Variants in JARID2 observed in about 807,000 individuals in gnomAD.
The protein encoded by JARID2 is jumonji and AT-rich interaction domain containing 2.
Under a neutral mutation model 125.6 loss-of-function variants are expected in JARID2, and 21 were observed. The observed-to-expected ratio is 0.17, with a 90% confidence interval of 0.12 to 0.24. The LOEUF is 0.24. Ranked by LOEUF, JARID2 falls within the 10% of genes least tolerant of loss-of-function variation. The probability of loss-of-function intolerance (pLI) is 1.00; values close to 1 mark genes in which losing one functional copy is unlikely to be tolerated. For missense variants in JARID2, 1,303 were observed against 1,639.6 expected, an observed-to-expected ratio of 0.79 and a Z score of 3.55; for synonymous variants, 736 against 661.6, an observed-to-expected ratio of 1.11 and a Z score of -1.73.
At chr6:15,333,072 A>G (rs1762770561) in intron 1 of JARID2, among the ~76,000 whole-genome samples, 1 of 150,314 alleles carries the variant, frequency 6.7e-6, no homozygotes, top group East Asian at 2.0e-4. Context: ...GCTTGGGACT[A>G]CAGGCGCCCA....
intron 2 of JARID2, among the ~76,000 whole-genome samples, chr6:15,406,799 G>A (rs1183677970): frequency 6.6e-6 from 1 of 152,180 alleles, no homozygotes; most frequent in African/African-American, 2.4e-5. Context: ...GGGTGAGAGG[G>A]TGGTTGGGGA....
At chr6:15,388,072 G>A (rs569099036) in intron 2 of JARID2, among the ~76,000 whole-genome samples, 3 of 152,124 alleles carry the variant, frequency 2.0e-5, no homozygotes, top group Admixed American at 6.6e-5. Context: ...GAGTGATATT[G>A]TTCCCTGCTA....
chr6:15,380,561 C>G (rs1764541483), intron 2 of JARID2, among the ~76,000 whole-genome samples: 1 of 152,124 alleles, frequency 6.6e-6, no homozygotes, highest in African/African-American at 2.4e-5. Flanking sequence ...TGTTGTCGTT[C>G]TGGCTGGCTG....
intron 2 of JARID2, among the ~76,000 whole-genome samples, chr6:15,396,606 C>CAT (rs1307229938): frequency 6.6e-6 from 1 of 152,156 alleles, no homozygotes; most frequent in Middle Eastern, 3.2e-3. Flanking sequence ...TTTGCTTATA[C>CAT]ATAAATACTG....
At chr6:15,345,153 G>C (rs1763202895) in intron 1 of JARID2, among the ~76,000 whole-genome samples, 1 of 152,146 alleles carries the variant, frequency 6.6e-6, no homozygotes, top group African/African-American at 2.4e-5. Flanking sequence ...CTAAGCTTTT[G>C]AGACTGATTG....
rs539520836 is a variant in JARID2 at position 15,462,048 on chromosome 6, C to G, written c.494-6494C>G. 3.9e-5 allele frequency among the ~76,000 whole-genome samples: 6 copies of G among 152,278 alleles called. No individual in the cohort carries two copies. The South Asian group carries it at 1.2e-3, about 32-fold the overall frequency. ...TCTGCTACACAAATCCCTCTTCATA[C>G]CAGAAAGGACATTAAGTGAACGTTT... On this transcript the variant is annotated intron_variant, in intron 4 of 17. Coordinates refer to ENST00000341776, the MANE Select transcript of JARID2 (RefSeq NM_004973.4).
chr6:15,258,871 A>T (rs945237058), intron 1 of JARID2, among the ~76,000 whole-genome samples: 1 of 152,238 alleles, frequency 6.6e-6, no homozygotes, highest in Non-Finnish European at 1.5e-5. Context: ...TAATTCTCCA[A>T]GTGCAAGATT....
chr6:15,389,016 G>A (rs1429766600), intron 2 of JARID2, among the ~76,000 whole-genome samples: 4 of 152,066 alleles, frequency 2.6e-5, no homozygotes, highest in Admixed American at 1.3e-4. Flanking sequence ...GGCCACGTGT[G>A]GAGGCTCCCA....
chr6:15,514,847 A>G (rs1771467985), intron 16 of JARID2, among the ~76,000 whole-genome samples: 1 of 151,980 alleles, frequency 6.6e-6, no homozygotes, highest in South Asian at 2.1e-4. Context: ...ATGGGGGACA[A>G]ATGCAGTCCG....
intron 1 of JARID2, among the ~76,000 whole-genome samples, chr6:15,273,216 A>G (rs554769670): frequency 5.9e-5 from 9 of 152,186 alleles, no homozygotes; most frequent in Admixed American, 2.0e-4. Flanking sequence ...AAAATACCTG[A>G]GTTTTATTTG....
chr6:15,485,892 G>T (rs184314328), intron 5 of JARID2, among the ~76,000 whole-genome samples: 1 of 152,312 alleles, frequency 6.6e-6, no homozygotes, highest in Non-Finnish European at 1.5e-5. Flanking sequence ...GAGGAGGAAA[G>T]ATTTGATTTC....
chr6:15,438,833 A>T (rs1581565835), intron 3 of JARID2, among the ~76,000 whole-genome samples: 1 of 152,284 alleles, frequency 6.6e-6, no homozygotes, highest in South Asian at 2.1e-4. Flanking sequence ...GTAAGAGACC[A>T]CCAGCCTGGG....
chr6:15,276,260 T>C (rs1261993955), intron 1 of JARID2, among the ~76,000 whole-genome samples: 1 of 152,206 alleles, frequency 6.6e-6, no homozygotes, highest in Non-Finnish European at 1.5e-5. Context: ...TTCAGCTGAC[T>C]TGCAGAAAAA....
intron 2 of JARID2, among the ~76,000 whole-genome samples, chr6:15,398,435 A>C (rs1296806597): frequency 1.3e-5 from 2 of 152,136 alleles, no homozygotes; most frequent in East Asian, 1.9e-4. Flanking sequence ...CCTAAATTGA[A>C]TCCATTTCTT....
At chr6:15,369,289 T>A in intron 1 of JARID2, 1 of 459,584 alleles carries the variant, frequency 2.2e-6, no homozygotes, top group South Asian at 1.6e-5. Flanking sequence ...GCACAGTGTT[T>A]TTTACTAATT....
intron 3 of JARID2, among the ~76,000 whole-genome samples, chr6:15,443,531 C>G (rs1767534978): frequency 2.0e-5 from 3 of 152,140 alleles, no homozygotes; most frequent in Non-Finnish European, 4.4e-5. Context: ...CTTTAAAAGT[C>G]AGTATATTTT....
chr6:15,445,881 C>T (rs1284739261), intron 3 of JARID2, among the ~76,000 whole-genome samples: 1 of 152,154 alleles, frequency 6.6e-6, no homozygotes, highest in East Asian at 1.9e-4. Flanking sequence ...TTTTTGTTTT[C>T]GTTTTCAAAT....
At chr6:15,435,267 G>A (rs1180976645) in intron 3 of JARID2, among the ~76,000 whole-genome samples, 1 of 152,172 alleles carries the variant, frequency 6.6e-6, no homozygotes, top group Non-Finnish European at 1.5e-5. Flanking sequence ...GTATGTTTTT[G>A]CTACATACCT....
intron 4 of JARID2, among the ~76,000 whole-genome samples, chr6:15,457,538 C>T (rs1371429774): frequency 6.6e-6 from 1 of 150,574 alleles, no homozygotes; most frequent in African/African-American, 2.4e-5. Context: ...AGTCTGGCTG[C>T]AGAAATAATG....
Sources: allele counts gnomAD v4.1 joint callset (sites outside exome capture counted in the v4.1 genomes callset), GRCh38; gene constraint gnomAD v4.1.1; transcripts MANE v1.5; gene names NCBI Gene and HGNC (gene_info 2026-07-23, HGNC 2026-07-21).